The following CEP72 variants were observed in gnomAD, a reference collection of about 807,000 sequenced individuals.
CEP72 encodes the protein centrosomal protein of 72 kDa.
CEP72 carries 78 observed loss-of-function variants against 65.7 expected under a neutral mutation model. The ratio of observed to expected loss-of-function variants is 1.19; its 90% CI spans 0.99 to 1.43. The LOEUF is 1.43. Among genes scored for constraint, CEP72 ranks in the 40% most tolerant of loss-of-function variants. The pLI is 0.00. For synonymous variants in CEP72, 358 were observed against 351.7 expected, an observed-to-expected ratio of 1.02 and a Z score of -0.20; for missense variants, 914 against 832.9, an observed-to-expected ratio of 1.10 and a Z score of -1.20.
At chr5:669,426 A>G (rs921811213), downstream of CEP72, among the ~76,000 whole-genome samples, 1 of 152,148 alleles carries the variant, frequency 6.6e-6, no homozygotes, top group Non-Finnish European at 1.5e-5. Context: ...GGCAGCCCAC[A>G]GTGCCTGGAA....
chr5:668,664 GC>G (rs989052383), downstream of CEP72, among the ~76,000 whole-genome samples: 2 of 152,254 alleles, frequency 1.3e-5, no homozygotes, highest in Non-Finnish European at 2.9e-5. Context: ...GCCAAAGGTG[GC>G]CCAGCAGTCC....
chr5:649,212 G>GACTA (rs1738719991), intron 11 of CEP72, among the ~76,000 whole-genome samples: 1 of 79,604 alleles, frequency 1.3e-5, no homozygotes. Context: ...TGTGAGGTGT[G>GACTA]GACTGTGAGG....
intron 4 of CEP72, among the ~76,000 whole-genome samples, chr5:633,185 G>A (rs1428084019): frequency 6.2e-5 from 6 of 97,322 alleles, no homozygotes; most frequent in Non-Finnish European, 1.2e-4. Flanking sequence ...GTGGGGTTCT[G>A]TCCAGTGCCG....
At chr5:634,959 A>G (rs1621827) in intron 5 of CEP72, among the ~76,000 whole-genome samples, 102,416 of 151,762 alleles carry the variant, frequency 0.67, 35,874 homozygotes, top group African/African-American at 0.88. Context: ...GCAGTGGCGC[A>G]ATCTTGGCTT....
chr5:673,488 G>A, the CEP72 span, among the ~76,000 whole-genome samples: 2 of 152,054 alleles, frequency 1.3e-5, no homozygotes, highest in Non-Finnish European at 2.9e-5. Context: ...GAATCCCTTG[G>A]CCTCCCCTCA....
intron 1 of CEP72, among the ~76,000 whole-genome samples, chr5:616,936 G>A (rs1464228800): frequency 6.6e-6 from 1 of 151,750 alleles, no homozygotes; most frequent in Non-Finnish European, 1.5e-5. Flanking sequence ...GTGCGTGTGT[G>A]TATGTGTTGT....
At chr5:660,986 T>C (rs1739568680), downstream of CEP72, 1 of 152,264 alleles carries the variant, frequency 6.6e-6, no homozygotes, top group Admixed American at 6.5e-5. Context: ...TATAAATATA[T>C]ATCTTCTACA....
chr5:612,494 G>GT, intron 1 of CEP72, 51 bp downstream of exon 1: 1 of 1,349,364 alleles, frequency 7.4e-7, no homozygotes. Context: ...GGGGGGGTGG[G>GT]TGCCGAGCTT....
downstream of CEP72, among the ~76,000 whole-genome samples, chr5:658,624 CTTGTT>C (rs1428676014): frequency 4.0e-5 from 4 of 100,884 alleles, no homozygotes; most frequent in Non-Finnish European, 8.2e-5. Context: ...GTTTCTTTCT[CTTGTT>C]TTATCAGCAA....
chr5:662,095 TTC>T (rs1739646390), intron 1 of CEP72: 1 of 152,410 alleles, frequency 6.6e-6, no homozygotes, highest in Non-Finnish European at 1.5e-5. Context: ...CGCCACGATT[TTC>T]TCTCTCAGAG....
chr5:624,630 G>T lies in CEP72; in HGVS notation c.512+51G>T, dbSNP rs1381209510. On this transcript the variant is annotated intron_variant, in intron 4 of 11. Coordinates refer to ENST00000264935, the MANE Select transcript of CEP72 (RefSeq NM_018140.4). The surrounding 1 kb of genome is among the most constrained non-coding windows in gnomAD (Gnocchi z 4.7). ...CCAGAGTGTTTCTGACTGGCCTGCT[G>T]TCAGGAGGATTAACCGAACGTCATT... The T allele has an allele frequency of 7.7e-7, 1 of 1,297,208 alleles. No individual in the cohort carries two copies. Among genetic ancestry groups the T allele is most frequent in the East Asian group, 2.3e-5 (1 of 43,278 alleles). The allele number at this position is 1,297,208 out of a possible 1,614,324, so 80.4% of individuals were successfully genotyped here. A position where few individuals can be genotyped will look rare whatever the true frequency, so the allele number is the denominator to read the frequency against.
the CEP72 span, among the ~76,000 whole-genome samples, chr5:675,491 T>G: frequency 0.02 from 582 of 28,832 alleles, 24 homozygotes; most frequent in African/African-American, 0.13. Flanking sequence ...CAGGGGTACA[T>G]TGTGGCCGGG....
intron 11 of CEP72, 85 bp from the exon 12 acceptor site, chr5:652,903 G>C: frequency 7.1e-7 from 1 of 1,400,366 alleles, no homozygotes; most frequent in Non-Finnish European, 9.5e-7. Context: ...TGCCCATGCA[G>C]GGAGGTGGGC....
chr5:619,981 T>A (rs1736276358), intron 2 of CEP72, 88 bp from the exon 3 acceptor site: 2 of 987,720 alleles, frequency 2.0e-6, no homozygotes, highest in Non-Finnish European at 1.5e-6. Context: ...GTTTATACAG[T>A]TGGTTGGTCA....
chr5:640,648 G>C (rs1737952831), intron 9 of CEP72, 44 bp downstream of exon 9: 1 of 1,560,824 alleles, frequency 6.4e-7, no homozygotes, highest in East Asian at 2.3e-5. Flanking sequence ...GTGACTGGGG[G>C]AAACATGGCT....
chr5:654,208 CTG>C (rs558188637), downstream of CEP72, among the ~76,000 whole-genome samples: 1,599 of 137,868 alleles, frequency 0.012, 33 homozygotes, highest in African/African-American at 0.042. Context: ...TGCATGCTAG[CTG>C]TGTGTGCGCT....
chr5:661,695 A>C (rs1202015845), downstream of CEP72: 4 of 152,380 alleles, frequency 2.6e-5, no homozygotes, highest in African/African-American at 9.6e-5. Flanking sequence ...CTGTGTTCGG[A>C]GGCGGCACAC....
chr5:641,462 T>TAC lies in CEP72; in HGVS notation c.1539+859_1539+860dup, dbSNP rs369563751. ...CCTCTGAACTTGTCTGACAAGTACATACTGTCCGTTTCATGGGAACCAACA... is the reference window on the plus strand; with the variant it reads ...CCTCTGAACTTGTCTGACAAGTACATACACTGTCCGTTTCATGGGAACCAACA... On this transcript the variant is annotated intron_variant, in intron 9 of 11. Coordinates refer to ENST00000264935, the MANE Select transcript of CEP72 (RefSeq NM_018140.4). 3.2e-5 allele frequency: 32 copies of TAC among 985,444 alleles called. No individual in the cohort carries two copies. The East Asian group carries it at 2.7e-3, about 84-fold the overall frequency. The allele number at this position is 985,444 out of a possible 1,614,324, so 61.0% of individuals were successfully genotyped here.
At chr5:667,586 CT>C (rs139254258), downstream of CEP72, among the ~76,000 whole-genome samples, 2,891 of 152,228 alleles carry the variant, frequency 0.019, 117 homozygotes, top group African/African-American at 0.066. Context: ...ACGTTCGAAA[CT>C]CTGCTCTCAG....
Sources: allele counts gnomAD v4.1 joint callset (sites outside exome capture counted in the v4.1 genomes callset), GRCh38; gene constraint gnomAD v4.1.1; non-coding constraint Gnocchi (gnomAD v3.1); transcripts MANE v1.5; gene names NCBI Gene and HGNC (gene_info 2026-07-23, HGNC 2026-07-21).